The following SLC39A11 variants were observed in gnomAD, a reference collection of about 807,000 sequenced individuals.
SLC39A11 encodes the protein zinc transporter ZIP11.
Under a neutral mutation model 36.1 loss-of-function variants are expected in SLC39A11, and 33 were observed. The observed-to-expected ratio is 0.91, with a 90% CI of 0.69 to 1.22. The LOEUF is 1.22. Among genes scored for constraint, SLC39A11 ranks in the 50% most tolerant of loss-of-function variants. The pLI, the probability that SLC39A11 is intolerant of heterozygous loss-of-function variation, is 0.00. For synonymous variants in SLC39A11, 166 were observed against 170.3 expected (o/e 0.97, Z 0.20); for missense variants, 432 against 430.3 (o/e 1.00, Z -0.03).
At chr17:72,956,827 G>C (rs2086269491) in intron 4 of SLC39A11, among the ~76,000 whole-genome samples, 1 of 152,170 alleles carries the variant, frequency 6.6e-6, no homozygotes, top group Admixed American at 6.5e-5. Flanking sequence ...TCCTAAAAAT[G>C]TGTATGTATC....
At chr17:72,775,303 C>T (rs1212170325) in intron 6 of SLC39A11, among the ~76,000 whole-genome samples, 16 of 152,288 alleles carry the variant, frequency 1.1e-4, no homozygotes, top group Non-Finnish European at 1.5e-4. Context: ...AACCTTCAGG[C>T]TGGCAGCTGC....
chr17:72,993,582 T>A (rs1012252097), intron 4 of SLC39A11, among the ~76,000 whole-genome samples: 3 of 152,228 alleles, frequency 2.0e-5, no homozygotes, highest in African/African-American at 7.2e-5. Flanking sequence ...ATTTATTGAC[T>A]AATCAATCCT....
At chr17:72,883,286 A>G (rs2081296732) in intron 5 of SLC39A11, among the ~76,000 whole-genome samples, 1 of 152,172 alleles carries the variant, frequency 6.6e-6, no homozygotes, top group Admixed American at 6.6e-5. Flanking sequence ...CTACCCTCAC[A>G]GGCCTGGATG....
intron 6 of SLC39A11, among the ~76,000 whole-genome samples, chr17:72,782,470 G>A (rs923247804): frequency 2.0e-5 from 3 of 152,008 alleles, no homozygotes; most frequent in Non-Finnish European, 4.4e-5. Context: ...ACTTTCTAGG[G>A]ACAGACTCTG....
intron 6 of SLC39A11, among the ~76,000 whole-genome samples, chr17:72,780,214 G>C (rs1044737344): frequency 2.0e-5 from 3 of 152,160 alleles, no homozygotes; most frequent in African/African-American, 7.2e-5. Flanking sequence ...AAGCAGTGAG[G>C]AGAAACTGAG....
chr17:72,868,706 G>T (rs1001000862), intron 5 of SLC39A11, among the ~76,000 whole-genome samples: 1 of 151,650 alleles, frequency 6.6e-6, no homozygotes, highest in Non-Finnish European at 1.5e-5. Flanking sequence ...CTACTTGGGA[G>T]GCTGAGGTGG....
At chr17:72,784,556 G>T (rs2076435646) in intron 6 of SLC39A11, among the ~76,000 whole-genome samples, 1 of 152,100 alleles carries the variant, frequency 6.6e-6, no homozygotes. Context: ...ATGTTGAATT[G>T]TAATGACCGA....
intron 5 of SLC39A11, among the ~76,000 whole-genome samples, chr17:72,910,667 C>T (rs1448347596): frequency 3.5e-5 from 5 of 141,790 alleles, no homozygotes. Context: ...TGACTCATGG[C>T]TGTAATCCCA....
chr17:72,737,792 T>C (rs1375836099), intron 6 of SLC39A11, among the ~76,000 whole-genome samples: 2 of 151,996 alleles, frequency 1.3e-5, no homozygotes, highest in Non-Finnish European at 2.9e-5. Context: ...CAAACGCCCA[T>C]CCCTAGATCC....
At position 72,819,080 on chromosome 17, in the gene SLC39A11, A is replaced by T. The variant is rs371975766; in HGVS notation, c.601+30554T>A. On this transcript the variant is annotated intron_variant, in intron 6 of 9. Coordinates refer to ENST00000255559, the MANE Select transcript of SLC39A11 (RefSeq NM_139177.4). ...TGAACTGTCTCTCCCCCAAATTAATATGTGAACGTCCCAACTCGCAATAAC... is the reference window on the plus strand; with the variant it reads ...TGAACTGTCTCTCCCCCAAATTAATTTGTGAACGTCCCAACTCGCAATAAC... 15 of 152,168 alleles carry T rather than the reference A, an allele frequency of 9.9e-5. No homozygotes were observed. In the East Asian group the frequency reaches 1.5e-3, roughly 16 times the overall value. 9.4% of individuals were successfully genotyped at this position (152,168 alleles called of 1,614,324 possible). A position where few individuals can be genotyped will look rare whatever the true frequency, so the allele number is the denominator to read the frequency against.
intron 7 of SLC39A11, among the ~76,000 whole-genome samples, chr17:72,708,259 C>T (rs2072973548): frequency 6.6e-6 from 1 of 152,228 alleles, no homozygotes; most frequent in Admixed American, 6.5e-5. Flanking sequence ...GTAGGCCAGA[C>T]TGCCCTCCTG....
intron 3 of SLC39A11, among the ~76,000 whole-genome samples, chr17:73,049,985 G>T (rs2059439437): frequency 6.6e-6 from 1 of 152,102 alleles, no homozygotes; most frequent in Non-Finnish European, 1.5e-5. Flanking sequence ...TAGCCGGGCG[G>T]AGTGGCACGT....
intron 7 of SLC39A11, among the ~76,000 whole-genome samples, chr17:72,669,101 A>C (rs971061661): frequency 2.6e-5 from 4 of 152,238 alleles, no homozygotes; most frequent in African/African-American, 9.6e-5. Flanking sequence ...TATCAATGTT[A>C]AATTTTCTGG....
intron 5 of SLC39A11, among the ~76,000 whole-genome samples, chr17:72,933,278 T>C (rs2084535805): frequency 6.6e-6 from 1 of 152,164 alleles, no homozygotes; most frequent in Admixed American, 6.5e-5. Flanking sequence ...TTCTATATAC[T>C]AGCAATGAGC....
At chr17:72,706,577 A>G (rs2072902680) in intron 7 of SLC39A11, among the ~76,000 whole-genome samples, 1 of 152,256 alleles carries the variant, frequency 6.6e-6, no homozygotes, top group Non-Finnish European at 1.5e-5. Context: ...CTGTTGGTAA[A>G]CAGACCCAAG....
Position 73,047,990 on chromosome 17 carries a change from AATATATAT to A in SLC39A11, c.148-16284_148-16277del, listed in dbSNP as rs151142811. Among the ~76,000 whole-genome samples the A allele has an allele frequency of 4.1e-3, 239 of 58,608 alleles. 2 individuals are homozygous for A. The highest frequency in any genetic ancestry group is 0.014 in the East Asian group (26 of 1,882). The allele number at this position is 58,608 out of a possible 152,430, so 38.4% of individuals were successfully genotyped here. A position where few individuals can be genotyped will look rare whatever the true frequency, so the allele number is the denominator to read the frequency against. On this transcript the variant is annotated intron_variant, in intron 3 of 9. Coordinates refer to ENST00000255559, the MANE Select transcript of SLC39A11 (RefSeq NM_139177.4). ...TCAAAAAAAAAAAAAAAAAAAAAAAAATATATATATATATATATATATATATATATATA... is the reference window on the plus strand; with the variant it reads ...TCAAAAAAAAAAAAAAAAAAAAAAAAATATATATATATATATATATATATA...
chr17:72,987,103 T>C (rs1011899232), intron 4 of SLC39A11, among the ~76,000 whole-genome samples: 1 of 152,206 alleles, frequency 6.6e-6, no homozygotes, highest in African/African-American at 2.4e-5. Flanking sequence ...TCTCACTCTG[T>C]TGGTTCAGGA....
rs930488757 is a variant in SLC39A11, at chr17:72,954,374, G to T, written c.307-6499C>A. 3.2e-4 allele frequency among the ~76,000 whole-genome samples: 48 copies of T among 152,218 alleles called. 1 individual carries two copies. The highest frequency in any genetic ancestry group is 3.1e-3 in the Admixed American group (48 of 15,290). ...CAAGGCCAAGGTCAGGGGACTAATTGGTGCCCCCTGCCAGCTACAGCTACA... is the reference window on the plus strand; with the variant it reads ...CAAGGCCAAGGTCAGGGGACTAATTTGTGCCCCCTGCCAGCTACAGCTACA... On this transcript the variant is annotated intron_variant, in intron 4 of 9. Coordinates refer to ENST00000255559, the MANE Select transcript of SLC39A11 (RefSeq NM_139177.4).
chr17:72,870,862 G>A (rs2080576060), intron 5 of SLC39A11, among the ~76,000 whole-genome samples: 1 of 152,194 alleles, frequency 6.6e-6, no homozygotes, highest in Non-Finnish European at 1.5e-5. Context: ...ATCTGCAGGT[G>A]GAGAGGTATG....
Sources: gnomAD v4.1 joint callset for allele counts (sites outside exome capture counted in the v4.1 genomes callset) on GRCh38, gnomAD v4.1.1 for gene constraint, MANE v1.5 for transcripts, NCBI Gene and HGNC (gene_info 2026-07-23, HGNC 2026-07-21) for gene names.